The following MFSD6 variants were observed in gnomAD, a reference collection of about 807,000 sequenced individuals.
MFSD6 encodes major facilitator superfamily domain-containing protein 6.
MFSD6 carries 26 observed loss-of-function variants against 56.3 expected under a neutral mutation model. That is an observed-to-expected ratio of 0.46 (90% CI 0.34 to 0.64). MFSD6 has a LOEUF of 0.64. Ranked by LOEUF, MFSD6 falls within the 30% of genes least tolerant of loss-of-function variation. The pLI, the probability that MFSD6 is intolerant of heterozygous loss-of-function variation, is 0.01. For synonymous variants in MFSD6, 331 were observed against 366.9 expected (o/e 0.90, Z 1.12); for missense variants, 750 against 986.2 (o/e 0.76, Z 3.21).
At position 190,494,921 on chromosome 2, in the gene MFSD6, T is replaced by G. The variant is rs1689578276; in HGVS notation, c.1892-2518T>G. Among the ~76,000 whole-genome samples the G allele has an allele frequency of 6.6e-6, 1 of 152,134 alleles. No individual in the cohort carries two copies. The highest frequency in any genetic ancestry group is 2.1e-4 in the South Asian group (1 of 4,828). On this transcript the variant is annotated intron_variant, in intron 6 of 7. Coordinates refer to ENST00000392328, the MANE Select transcript of MFSD6 (RefSeq NM_017694.4). This position sits in a 1 kb window ranked among gnomAD's most constrained non-coding sequence, Gnocchi z 5.7. ...CTGAACAGGGAGAAGTTGGAAGCAT[T>G]CCCTCTGAAAATTGGAACAAGACAA... is the stretch of plus-strand genomic sequence containing the variant.
At position 190,467,387 on chromosome 2, in the gene MFSD6, C is replaced by T. The variant is rs565130421; in HGVS notation, c.1533-2371C>T. On this transcript the variant is annotated intron_variant, in intron 3 of 7. Coordinates refer to ENST00000392328, the MANE Select transcript of MFSD6 (RefSeq NM_017694.4). The surrounding 1 kb of genome is among the most constrained non-coding windows in gnomAD (Gnocchi z 5.5). ...CAGCATTTTGGGAGGCCGAGGTGGGCGGACTACCTGAGGTCAGGAGTTTGA... is the reference window on the plus strand; with the variant it reads ...CAGCATTTTGGGAGGCCGAGGTGGGTGGACTACCTGAGGTCAGGAGTTTGA... 1.1e-4 allele frequency among the ~76,000 whole-genome samples: 16 copies of T among 152,208 alleles called. No homozygotes were observed. Among genetic ancestry groups the T allele is most frequent in the Middle Eastern group, 3.4e-3 (1 of 294 alleles).
rs1432897261 is a variant in MFSD6, at chr2:190,491,569, A to G, written c.1891+1703A>G. ...ATCCAGAAGAGAAATGACAATCACT[A>G]CAGCCTGGCTGTCAGGAAGCCACAT... is the stretch of plus-strand genomic sequence containing the variant. On this transcript the variant is annotated intron_variant, in intron 6 of 7. Transcript: ENST00000392328. This position sits in a 1 kb window ranked among gnomAD's most constrained non-coding sequence, Gnocchi z 4.2. 1.3e-5 allele frequency among the ~76,000 whole-genome samples: 2 copies of G among 152,218 alleles called. No homozygotes were observed. The highest frequency in any genetic ancestry group is 2.9e-5 in the Non-Finnish European group (2 of 68,038).
At position 190,461,519 on chromosome 2, in the gene MFSD6, T is replaced by G. The variant is rs1174217445; in HGVS notation, c.1533-8239T>G. ...TTAATATTCTGCAATGTCTTTTACC[T>G]TGCTTTAAATGCCAAACAGTTCTGG... On this transcript the variant is annotated intron_variant, in intron 3 of 7. Coordinates refer to ENST00000392328, the MANE Select transcript of MFSD6 (RefSeq NM_017694.4). This position sits in a 1 kb window ranked among gnomAD's most constrained non-coding sequence, Gnocchi z 5.5. Among the ~76,000 whole-genome samples, 1 of 152,236 alleles carries G rather than the reference T, an allele frequency of 6.6e-6. No homozygotes were observed. The highest frequency in any genetic ancestry group is 1.5e-5 in the Non-Finnish European group (1 of 68,040).
rs775721584 is a variant in MFSD6, at chr2:190,469,845, A to G, written c.1620A>G (p.Glu540=). The change falls in exon 4 of 8, where the codon GAA becomes GAG. Residue 540 remains glutamate (E), a synonymous_variant. Coordinates refer to ENST00000392328, the MANE Select transcript of MFSD6 (RefSeq NM_017694.4). This position sits in a 1 kb window ranked among gnomAD's most constrained non-coding sequence, Gnocchi z 5.3. ...ATGCCTGGACTGTTCTCCCCATGGA[A>G]GTTCTTCAAGGTAAGTTAACAGCTG... ...LENAWTVLPM[E]VLQGVTHAAI... is the part of the protein sequence containing the mutation. The G allele has an allele frequency of 1.3e-5, 21 of 1,600,444 alleles. 1 individual carries two copies. The highest frequency in any genetic ancestry group is 1.8e-5 in the Non-Finnish European group (21 of 1,171,096).
rs936231842 is a variant in MFSD6, at chr2:190,413,635, G to A, written c.-175-1657G>A. Among the ~76,000 whole-genome samples the A allele has an allele frequency of 6.6e-6, 1 of 152,134 alleles. No individual in the cohort carries two copies. Among genetic ancestry groups the A allele is most frequent in the Non-Finnish European group, 1.5e-5 (1 of 68,024 alleles). ...TTGAGGAGGATAAAAAGGAGGAACTGGTGCTGCCTGAACAAGCCCGATGTG... is the reference window on the plus strand; with the variant it reads ...TTGAGGAGGATAAAAAGGAGGAACTAGTGCTGCCTGAACAAGCCCGATGTG... On this transcript the variant is annotated intron_variant, in intron 1 of 7. Coordinates refer to ENST00000392328, the MANE Select transcript of MFSD6 (RefSeq NM_017694.4). The surrounding 1 kb of genome is among the most constrained non-coding windows in gnomAD (Gnocchi z 4.1).
chr2:190,476,335 T>C (rs947281750), intron 4 of MFSD6, among the ~76,000 whole-genome samples: 2 of 152,072 alleles, frequency 1.3e-5, no homozygotes, highest in African/African-American at 4.8e-5. Flanking sequence ...ATCCAGAATC[T>C]ACAAAGAACT....
At position 190,488,537 on chromosome 2, in the gene MFSD6, T is replaced by C. The variant is rs763234428; in HGVS notation, c.1631-120T>C. ...AAATGTGAAAATGGTAAATTTTTAATGTATGTTTTCCCACAACAAATCTTA... is the reference window on the plus strand; with the variant it reads ...AAATGTGAAAATGGTAAATTTTTAACGTATGTTTTCCCACAACAAATCTTA... On this transcript the variant is annotated intron_variant, in intron 4 of 7. Transcript: ENST00000392328. This position sits in a 1 kb window ranked among gnomAD's most constrained non-coding sequence, Gnocchi z 6.4. The C allele has an allele frequency of 6.4e-6, 6 of 935,490 alleles. No homozygotes were observed. The highest frequency in any genetic ancestry group is 2.5e-4 in the Middle Eastern group (1 of 3,970). The allele number at this position is 935,490 out of a possible 1,614,324, so 57.9% of individuals were successfully genotyped here.
chr2:190,476,529 G>A (rs530216221), intron 4 of MFSD6, among the ~76,000 whole-genome samples: 1 of 152,138 alleles, frequency 6.6e-6, no homozygotes, highest in Non-Finnish European at 1.5e-5. Flanking sequence ...AATTAGAATG[G>A]CAATCATTAA....
At chr2:190,455,525 A>G (rs1239493131) in intron 3 of MFSD6, among the ~76,000 whole-genome samples, 2 of 152,204 alleles carry the variant, frequency 1.3e-5, no homozygotes, top group Non-Finnish European at 2.9e-5. Flanking sequence ...GTTGATCTGC[A>G]CGACCCTGGC....
rs1687560475 is a variant in MFSD6, at chr2:190,465,563, AT to A, written c.1533-4192del. ...ATGCTCATATTCAGCATAAAAAAGA[AT>A]TTGATTGTCTAGAAAATGATCCAGT... On this transcript the variant is annotated intron_variant, in intron 3 of 7. Coordinates refer to ENST00000392328, the MANE Select transcript of MFSD6 (RefSeq NM_017694.4). This position sits in a 1 kb window ranked among gnomAD's most constrained non-coding sequence, Gnocchi z 4.6. Among the ~76,000 whole-genome samples the A allele has an allele frequency of 6.6e-6, 1 of 152,202 alleles. No homozygotes were observed. The highest frequency in any genetic ancestry group is 2.1e-4 in the South Asian group (1 of 4,834).
chr2:190,430,450 A>G (rs938416921), intron 2 of MFSD6, among the ~76,000 whole-genome samples: 6 of 151,636 alleles, frequency 4.0e-5, no homozygotes, highest in Non-Finnish European at 8.8e-5. Context: ...AACAAAGCAC[A>G]TCTTGCACCG....
rs568021095 is a variant in MFSD6, at chr2:190,476,852, C to T, written c.1630+6997C>T. Among the ~76,000 whole-genome samples, 24 of 152,152 alleles carry T rather than the reference C, an allele frequency of 1.6e-4. No individual in the cohort carries two copies. The South Asian group carries it at 5.0e-3, about 32-fold the overall frequency. On this transcript the variant is annotated intron_variant, in intron 4 of 7. Coordinates refer to ENST00000392328, the MANE Select transcript of MFSD6 (RefSeq NM_017694.4). ...GGATTAAGAAAATGTGGCACATATA[C>T]ACCATGGAGTACTATGCAGCCATAA...
chr2:190,478,325 TGGA>T (rs1688460651), intron 4 of MFSD6, among the ~76,000 whole-genome samples: 1 of 152,164 alleles, frequency 6.6e-6, no homozygotes, highest in Non-Finnish European at 1.5e-5. Context: ...TTTCTAATGC[TGGA>T]GGAGATGGTT....
chr2:190,447,856 T>A lies in MFSD6; in HGVS notation c.1532+10295T>A, dbSNP rs1031671884. On this transcript the variant is annotated intron_variant, in intron 3 of 7. Coordinates refer to ENST00000392328, the MANE Select transcript of MFSD6 (RefSeq NM_017694.4). The surrounding 1 kb of genome is among the most constrained non-coding windows in gnomAD (Gnocchi z 4.5). ...TAATCATTTGGTTTTTATCATCCCT[T>A]GAAAAGAACATCTTTGCAAAGAAAT... Among the ~76,000 whole-genome samples the A allele has an allele frequency of 2.0e-5, 3 of 152,222 alleles. No homozygotes were observed. The highest frequency in any genetic ancestry group is 7.2e-5 in the African/African-American group (3 of 41,458).
rs1690895677 is a variant in MFSD6 at position 190,418,762 on chromosome 2, A to G, written c.-54+3349A>G. On this transcript the variant is annotated intron_variant, in intron 2 of 7. Transcript: ENST00000392328. The surrounding 1 kb of genome is among the most constrained non-coding windows in gnomAD (Gnocchi z 4.1). ...GCAGAAGGAGCCCCTATCTAAAAAA[A>G]CAAAACAAAACAAAAGAATGACAAG... is the stretch of plus-strand genomic sequence containing the variant. 6.6e-6 allele frequency among the ~76,000 whole-genome samples: 1 copy of G among 152,178 alleles called. No individual in the cohort carries two copies. Among genetic ancestry groups the G allele is most frequent in the Non-Finnish European group, 1.5e-5 (1 of 67,998 alleles).
At position 190,436,415 on chromosome 2, in the gene MFSD6, A is replaced by C; in HGVS notation, c.386A>C (p.Lys129Thr). The change falls in exon 3 of 8, where the codon AAA becomes ACA. Residue 129 changes from lysine to threonine, a missense_variant. Around this residue, in one of 5 missense-constraint regions of MFSD6, gnomAD observed 376 missense variants for 437.9 expected, o/e 0.86. Coordinates refer to ENST00000392328, the MANE Select transcript of MFSD6 (RefSeq NM_017694.4). The surrounding 1 kb of genome is among the most constrained non-coding windows in gnomAD (Gnocchi z 5.3). ...PFWGVVADRFKKGKIVLLFSL... is the reference protein window; with the variant it reads ...PFWGVVADRFTKGKIVLLFSL... ...TGGGGTGTAGTTGCAGACCGCTTTA[A>C]AAAAGGCAAAATTGTCCTCCTCTTT... The C allele has an allele frequency of 6.2e-7, 1 of 1,614,154 alleles. No individual in the cohort carries two copies. The highest frequency in any genetic ancestry group is 8.5e-7 in the Non-Finnish European group (1 of 1,180,014).
At position 190,413,433 on chromosome 2, in the gene MFSD6, G is replaced by A. The variant is rs1401902754; in HGVS notation, c.-175-1859G>A. 6.6e-6 allele frequency among the ~76,000 whole-genome samples: 1 copy of A among 152,162 alleles called. No individual in the cohort carries two copies. Among genetic ancestry groups the A allele is most frequent in the Admixed American group, 6.5e-5 (1 of 15,276 alleles). On this transcript the variant is annotated intron_variant, in intron 1 of 7. Transcript: ENST00000392328. This position sits in a 1 kb window ranked among gnomAD's most constrained non-coding sequence, Gnocchi z 4.1. ...TGTTGTGGGGCATGTTTTAGAATGG[G>A]AGACCAATTCAGGAAACATTTGGCA...
At position 190,490,636 on chromosome 2, in the gene MFSD6, T is replaced by C. The variant is rs1473951040; in HGVS notation, c.1891+770T>C. The stretch of plus-strand genomic sequence containing the variant: ...AAGTTTTCTCTGAACCAGGGATGCC[T>C]TTATTAAGATTGTTCTACCAAAAGG... On this transcript the variant is annotated intron_variant, in intron 6 of 7. Coordinates refer to ENST00000392328, the MANE Select transcript of MFSD6 (RefSeq NM_017694.4). This position sits in a 1 kb window ranked among gnomAD's most constrained non-coding sequence, Gnocchi z 4.5. Among the ~76,000 whole-genome samples, 1 of 152,188 alleles carries C rather than the reference T, an allele frequency of 6.6e-6. No homozygotes were observed. Among genetic ancestry groups the C allele is most frequent in the Non-Finnish European group, 1.5e-5 (1 of 68,032 alleles).
chr2:190,493,888 C>T (rs988969681), intron 6 of MFSD6, among the ~76,000 whole-genome samples: 21 of 151,976 alleles, frequency 1.4e-4, no homozygotes, highest in African/African-American at 4.8e-4. Context: ...AAGGTCATAG[C>T]CTAAATGCCT....
Sources: gnomAD v4.1 joint callset for allele counts (sites outside exome capture counted in the v4.1 genomes callset) on GRCh38, gnomAD v4.1.1 for gene constraint, gnomAD v4.1.1 regional missense constraint, Gnocchi (gnomAD v3.1) non-coding constraint, MANE v1.5 for transcripts, NCBI Gene and HGNC (gene_info 2026-07-23, HGNC 2026-07-21) for gene names.